Variants in CAAP1 observed in about 807,000 individuals in gnomAD.
CAAP1 encodes caspase activity and apoptosis inhibitor 1, also known as conserved anti-apoptotic protein.
In CAAP1, 20 loss-of-function variants were observed where a neutral mutation model predicts 34.0. The ratio of observed to expected loss-of-function variants is 0.59; its 90% CI spans 0.41 to 0.86. The LOEUF is 0.86. Ranked by LOEUF, CAAP1 falls within the 40% of genes least tolerant of loss-of-function variation. The pLI, the probability that CAAP1 is intolerant of heterozygous loss-of-function variation, is 0.00. For missense variants in CAAP1, 538 were observed against 450.5 expected, an observed-to-expected ratio of 1.19 and a Z score of -1.76; for synonymous variants, 213 against 166.7, an observed-to-expected ratio of 1.28 and a Z score of -2.14.
intron 1 of CAAP1, among the ~76,000 whole-genome samples, chr9:26,889,864 T>C (rs1823856439): frequency 9.2e-6 from 1 of 108,634 alleles, no homozygotes; most frequent in South Asian, 3.1e-4. Flanking sequence ...CGAGACTCTG[T>C]CTCAAAAAAA....
intron 1 of CAAP1, among the ~76,000 whole-genome samples, chr9:26,887,896 A>C (rs2131343411): frequency 1.3e-5 from 2 of 152,346 alleles, no homozygotes; most frequent in Admixed American, 1.3e-4. Flanking sequence ...AATTGAAGTA[A>C]AGATGTTACA....
chr9:26,873,807 C>T (rs1040236736), intron 4 of CAAP1, among the ~76,000 whole-genome samples: 2 of 152,172 alleles, frequency 1.3e-5, no homozygotes, highest in Non-Finnish European at 2.9e-5. Context: ...TAAAACTATA[C>T]ATGCTAAAGT....
intron 5 of CAAP1, among the ~76,000 whole-genome samples, chr9:26,849,812 G>C (rs113338421): frequency 0.042 from 6,259 of 149,442 alleles, 442 homozygotes; most frequent in African/African-American, 0.14. Flanking sequence ...CATAAACCAT[G>C]TTATATGATT....
intron 2 of CAAP1, among the ~76,000 whole-genome samples, 169 bp from the exon 3 acceptor site, chr9:26,886,357 C>A: frequency 6.6e-6 from 1 of 152,036 alleles, no homozygotes; most frequent in East Asian, 1.9e-4. Context: ...TGAAAAACTG[C>A]CAGTTAATAT....
At chr9:26,844,419 C>T (rs1822548705) in intron 5 of CAAP1, among the ~76,000 whole-genome samples, 1 of 152,138 alleles carries the variant, frequency 6.6e-6, no homozygotes, top group African/African-American at 2.4e-5. Context: ...TTTAGTGTCT[C>T]CGAGGCTTTA....
chr9:26,856,555 CCAAA>C (rs1694447009), intron 5 of CAAP1, among the ~76,000 whole-genome samples: 1 of 152,190 alleles, frequency 6.6e-6, no homozygotes, highest in African/African-American at 2.4e-5. Context: ...AAGATCAAGG[CCAAA>C]CAGCCAACCA....
rs140292956 is a variant in CAAP1 at position 26,880,667 on chromosome 9, C to T, written c.665+4143G>A. On this transcript the variant is annotated intron_variant, in intron 4 of 5. Coordinates refer to ENST00000333916, the MANE Select transcript of CAAP1 (RefSeq NM_024828.4). ...AGCAGTACAGCAGAAGTTGTGAAAA[C>T]CTGTCATCTTTCTTTCTTTATTTAT... is the stretch of plus-strand genomic sequence containing the variant. 561 of 152,372 alleles carry T rather than the reference C, an allele frequency of 3.7e-3. 3 individuals carry two copies. Among genetic ancestry groups the T allele is most frequent in the Non-Finnish European group, 6.8e-3 (463 of 68,164 alleles). 9.4% of individuals were successfully genotyped at this position (152,372 alleles called of 1,614,324 possible). A position where few individuals can be genotyped will look rare whatever the true frequency, so the allele number is the denominator to read the frequency against.
chr9:26,874,336 T>C (rs182356002), intron 4 of CAAP1, among the ~76,000 whole-genome samples: 1 of 151,862 alleles, frequency 6.6e-6, no homozygotes, highest in Admixed American at 6.6e-5. Context: ...ATAACTGGAA[T>C]ATCCATCATC....
At chr9:26,864,969 A>G (rs1823097068) in intron 4 of CAAP1, among the ~76,000 whole-genome samples, 1 of 152,216 alleles carries the variant, frequency 6.6e-6, no homozygotes, top group Admixed American at 6.5e-5. Context: ...GCAATTTACA[A>G]AGGATATGAG....
At position 26,848,985 on chromosome 9, in the gene CAAP1, G is replaced by A. The variant is rs536343624; in HGVS notation, c.740-6338C>T. 9.2e-5 allele frequency among the ~76,000 whole-genome samples: 14 copies of A among 152,240 alleles called. No homozygotes were observed. In the East Asian group the frequency reaches 2.7e-3, roughly 29 times the overall value. On this transcript the variant is annotated intron_variant, in intron 5 of 5. Coordinates refer to ENST00000333916, the MANE Select transcript of CAAP1 (RefSeq NM_024828.4). ...ATCTGAGCAGTGACTGGTTCATTCT[G>A]CTGTCTAGACACTAAGCCTAGATGG...
chr9:26,851,252 G>A (rs1179646904), intron 5 of CAAP1, among the ~76,000 whole-genome samples: 1 of 152,166 alleles, frequency 6.6e-6, no homozygotes, highest in Non-Finnish European at 1.5e-5. Flanking sequence ...GCAAAAATCA[G>A]GGAGATATTC....
chr9:26,842,828 T>C (rs915423065), intron 5 of CAAP1, among the ~76,000 whole-genome samples, 181 bp from the exon 6 acceptor site: 3 of 152,220 alleles, frequency 2.0e-5, no homozygotes, highest in African/African-American at 7.2e-5. Context: ...GCAGATCTAA[T>C]GTAATGTAAA....
At position 26,872,207 on chromosome 9, in the gene CAAP1, T is replaced by C. The variant is rs562585642; in HGVS notation, c.666-11068A>G. 5.3e-5 allele frequency among the ~76,000 whole-genome samples: 8 copies of C among 152,300 alleles called. No homozygotes were observed. The South Asian group carries it at 1.0e-3, about 20-fold the overall frequency. ...AAATATCTTACTGCAAAAGCAGTCA[T>C]TAAACCTCCTACATTTATGCACTGT... On this transcript the variant is annotated intron_variant, in intron 4 of 5. Transcript: ENST00000333916.
At position 26,853,642 on chromosome 9, in the gene CAAP1, C is replaced by T. The variant is rs922560824; in HGVS notation, c.739+7424G>A. 3.3e-5 allele frequency among the ~76,000 whole-genome samples: 5 copies of T among 152,192 alleles called. No individual in the cohort carries two copies. The East Asian group carries it at 7.7e-4, about 24-fold the overall frequency. On this transcript the variant is annotated intron_variant, in intron 5 of 5. Transcript: ENST00000333916. ...GGTCAAGATGAGCACTGAGCAATGA[C>T]GAGTGAAATGGCTGCTGGCAATAAT...
chr9:26,877,758 C>T (rs1177992282), intron 4 of CAAP1, among the ~76,000 whole-genome samples: 1 of 152,098 alleles, frequency 6.6e-6, no homozygotes, highest in Admixed American at 6.6e-5. Flanking sequence ...GCCTAGAACT[C>T]AGTGAGCACT....
intron 5 of CAAP1, among the ~76,000 whole-genome samples, chr9:26,850,770 T>A (rs1222410791): frequency 1.3e-5 from 2 of 152,224 alleles, no homozygotes; most frequent in Non-Finnish European, 2.9e-5. Flanking sequence ...TATAGAGAAC[T>A]TGGCTTTTTT....
At chr9:26,872,306 A>T (rs1248480811) in intron 4 of CAAP1, among the ~76,000 whole-genome samples, 2 of 152,148 alleles carry the variant, frequency 1.3e-5, no homozygotes, top group African/African-American at 4.8e-5. Flanking sequence ...CCTGTTTTGA[A>T]GGGTGGAATA....
intron 4 of CAAP1, among the ~76,000 whole-genome samples, chr9:26,882,827 T>C (rs1350566457): frequency 2.6e-5 from 4 of 152,116 alleles, no homozygotes; most frequent in South Asian, 2.1e-4. Flanking sequence ...AAACCTACCA[T>C]TTGCATCAGT....
intron 4 of CAAP1, among the ~76,000 whole-genome samples, chr9:26,876,816 C>T (rs1823445641): frequency 6.6e-6 from 1 of 152,064 alleles, no homozygotes. Context: ...GGAAATTCCA[C>T]ACCTGACCTC....
Sources: gnomAD v4.1 joint callset for allele counts (sites outside exome capture counted in the v4.1 genomes callset) on GRCh38, gnomAD v4.1.1 for gene constraint, MANE v1.5 for transcripts, NCBI Gene and HGNC (gene_info 2026-07-23, HGNC 2026-07-21) for gene names.